Variants in CHUK observed in about 807,000 individuals in gnomAD.
The protein encoded by CHUK is component of inhibitor of nuclear factor kappa B kinase complex.
A neutral mutation model predicts 104.8 loss-of-function variants in CHUK; 35 were observed. The observed-to-expected ratio is 0.33, with a 90% confidence interval of 0.26 to 0.44. The LOEUF is 0.44. CHUK is among the 20% of genes least tolerant of loss of function. The pLI is 1.00. For missense variants in CHUK, 663 were observed against 902.7 expected (o/e 0.73, Z 3.40); for synonymous variants, 276 against 291.9 (o/e 0.95, Z 0.56).
At chr10:100,222,336 G>A (rs1480156558) in intron 3 of CHUK, among the ~76,000 whole-genome samples, 155 bp from the exon 4 acceptor site, 1 of 151,996 alleles carries the variant, frequency 6.6e-6, no homozygotes, top group Non-Finnish European at 1.5e-5. Context: ...CATACTGAGG[G>A]CATGTAAATT....
chr10:100,193,002 T>C (rs1845238624), intron 19 of CHUK: 1 of 396,288 alleles, frequency 2.5e-6, no homozygotes, highest in South Asian at 2.5e-5. Flanking sequence ...ACTTAGCTAA[T>C]AATAAGCAAC....
At chr10:100,200,357 A>AT (rs1466900451) in intron 15 of CHUK, among the ~76,000 whole-genome samples, 2 of 152,224 alleles carry the variant, frequency 1.3e-5, no homozygotes, top group Admixed American at 1.3e-4. Context: ...GTTTTAGGGC[A>AT]TTTAAGAGTC....
intron 2 of CHUK, 27 bp from the exon 3 acceptor site, chr10:100,223,007 A>G (rs781309889): frequency 8.7e-7 from 1 of 1,147,724 alleles, no homozygotes; most frequent in South Asian, 1.2e-5. Flanking sequence ...ACATTACAAT[A>G]AAAAAAATTA....
intron 16 of CHUK, among the ~76,000 whole-genome samples, chr10:100,197,055 A>G (rs533361283): frequency 6.6e-6 from 1 of 152,164 alleles, no homozygotes; most frequent in South Asian, 2.1e-4. Context: ...CACTTTCGTC[A>G]CTGTGTGAAT....
chr10:100,217,890 A>C (rs1845895529), intron 9 of CHUK, 105 bp downstream of exon 9: 12 of 1,189,878 alleles, frequency 1.0e-5, no homozygotes, highest in Non-Finnish European at 1.5e-5. Flanking sequence ...ATAAATAAAT[A>C]AATAAGCAAC....
chr10:100,208,641 T>C (rs1845646262), intron 10 of CHUK, among the ~76,000 whole-genome samples: 1 of 152,008 alleles, frequency 6.6e-6, no homozygotes, highest in African/African-American at 2.4e-5. Flanking sequence ...AAAAATTAGC[T>C]AGGCATGGTG....
chr10:100,194,600 C>A, intron 16 of CHUK, 79 bp from the exon 17 acceptor site: 1 of 837,288 alleles, frequency 1.2e-6, no homozygotes, highest in Non-Finnish European at 2.0e-6. Flanking sequence ...CCTCAAAAAT[C>A]CCTGAAACTC....
At position 100,217,070 on chromosome 10, in the gene CHUK, A is replaced by C. The variant is rs569470787; in HGVS notation, c.933+925T>G. Reference sequence around the variant, plus strand: ...TAGGTGAGAAGATACACAGAAATGGATATCCAGGCAGAAGGATAGCATCTG... The same window carrying C: ...TAGGTGAGAAGATACACAGAAATGGCTATCCAGGCAGAAGGATAGCATCTG... On this transcript the variant is annotated intron_variant, in intron 9 of 20. Transcript: ENST00000370397. Among the ~76,000 whole-genome samples, 158 of 138,432 alleles carry C rather than the reference A, an allele frequency of 1.1e-3. 1 individual carries two copies. Among genetic ancestry groups the C allele is most frequent in the Middle Eastern group, 6.9e-3 (2 of 288 alleles). 90.8% of individuals were successfully genotyped at this position (138,432 alleles called of 152,430 possible). A position where few individuals can be genotyped will look rare whatever the true frequency, so the allele number is the denominator to read the frequency against.
Position 100,207,896 on chromosome 10 carries a change from G to A in CHUK, c.1129-564C>T, listed in dbSNP as rs1205065906. Among the ~76,000 whole-genome samples the A allele has an allele frequency of 4.6e-5, 7 of 152,100 alleles. No individual in the cohort carries two copies. In the East Asian group the frequency reaches 1.4e-3, roughly 29 times the overall value. ...CACTGTAATTGAGCATCAAGTCAGT[G>A]ACAAGTTAATAAAAAAGAAATAAAA... On this transcript the variant is annotated intron_variant, in intron 10 of 20. Coordinates refer to ENST00000370397, the MANE Select transcript of CHUK (RefSeq NM_001278.5).
In CHUK at chr10:100,209,240, G is replaced by A. The variant is rs559019700; in HGVS notation, c.1128+355C>T. ...CTTTGTAATTTTGAGTTGGTCTGGC[G>A]GTAATTTCCAGGCCTTCTACCTGTA... is the stretch of plus-strand genomic sequence containing the variant. On this transcript the variant is annotated intron_variant, in intron 10 of 20. Coordinates refer to ENST00000370397, the MANE Select transcript of CHUK (RefSeq NM_001278.5). Among the ~76,000 whole-genome samples, 14 of 152,220 alleles carry A rather than the reference G, an allele frequency of 9.2e-5. No homozygotes were observed. In the South Asian group the frequency reaches 1.0e-3, roughly 11 times the overall value.
intron 11 of CHUK, among the ~76,000 whole-genome samples, chr10:100,206,508 A>G (rs1845594945): frequency 6.6e-6 from 1 of 152,170 alleles, no homozygotes; most frequent in African/African-American, 2.4e-5. Context: ...AAATAGTAAT[A>G]AAGTCTGGGG....
chr10:100,192,248 C>T (rs1161836163), intron 19 of CHUK, among the ~76,000 whole-genome samples: 1 of 152,126 alleles, frequency 6.6e-6, no homozygotes, highest in East Asian at 1.9e-4. Flanking sequence ...TTAACATCCG[C>T]TAAAAAACTT....
chr10:100,224,933 T>TGTC (rs1194356792), intron 2 of CHUK, among the ~76,000 whole-genome samples: 1 of 152,100 alleles, frequency 6.6e-6, no homozygotes, highest in Admixed American at 6.6e-5. Context: ...CACTGTAGCC[T>TGTC]TGACCTCCTG....
At chr10:100,215,007 A>T (rs1161932206) in intron 9 of CHUK, among the ~76,000 whole-genome samples, 1 of 151,982 alleles carries the variant, frequency 6.6e-6, no homozygotes, top group African/African-American at 2.4e-5. Flanking sequence ...GGCCGAGGTG[A>T]GCAGATCACC....
Position 100,218,986 on chromosome 10 carries a change from C to G in CHUK, c.689+22G>C, listed in dbSNP as rs199967375. ...AATTTCCATTCCCATTAAGCATGCC[C>G]AAGTTCTCATCCATTTCTTACCAGG... On this transcript the variant is annotated intron_variant, in intron 7 of 20. Transcript: ENST00000370397. 17 of 1,613,686 alleles carry G rather than the reference C, an allele frequency of 1.1e-5. No individual in the cohort carries two copies. The Admixed American group carries it at 2.3e-4, about 22-fold the overall frequency.
At chr10:100,217,851 T>C in intron 9 of CHUK, 144 bp downstream of exon 9, 1 of 872,554 alleles carries the variant, frequency 1.1e-6, no homozygotes, top group Non-Finnish European at 1.8e-6. Context: ...CACTCCAGCC[T>C]AGGTGACAGA....
intron 18 of CHUK, chr10:100,193,662 T>C: frequency 3.3e-6 from 2 of 610,548 alleles, no homozygotes; most frequent in Non-Finnish European, 5.7e-6. Context: ...CCATTTTAGT[T>C]GAAGAAAGAA....
At chr10:100,221,422 T>TAGA (rs1845984354) in intron 4 of CHUK, among the ~76,000 whole-genome samples, 1 of 151,952 alleles carries the variant, frequency 6.6e-6, no homozygotes, top group Non-Finnish European at 1.5e-5. Context: ...GCAACAGAGC[T>TAGA]AGACTCCGTC....
intron 3 of CHUK, among the ~76,000 whole-genome samples, chr10:100,222,433 T>C (rs1365474159): frequency 6.6e-6 from 1 of 152,072 alleles, no homozygotes; most frequent in Non-Finnish European, 1.5e-5. Context: ...TATATAAAAA[T>C]GGTCATATGG....
Sources: gnomAD v4.1 joint callset for allele counts (sites outside exome capture counted in the v4.1 genomes callset) on GRCh38, gnomAD v4.1.1 for gene constraint, MANE v1.5 for transcripts, NCBI Gene and HGNC (gene_info 2026-07-23, HGNC 2026-07-21) for gene names.